The following NIPAL2 variants were observed in gnomAD, a reference collection of about 807,000 sequenced individuals.
NIPAL2 encodes NIPA like domain containing 2.
In NIPAL2, 43 loss-of-function variants were observed where a neutral mutation model predicts 48.9. The ratio of observed to expected loss-of-function variants is 0.88; its 90% CI spans 0.69 to 1.13. NIPAL2 has a LOEUF of 1.13. Ranked by LOEUF, NIPAL2 falls within the 50% of genes most tolerant of loss-of-function variation. The pLI is 0.00. For missense variants in NIPAL2, 446 were observed against 461.4 expected (o/e 0.97, Z 0.31); for synonymous variants, 167 against 174.6 (o/e 0.96, Z 0.34).
intron 8 of NIPAL2, among the ~76,000 whole-genome samples, chr8:98,199,529 G>A (rs1008714474): frequency 6.6e-6 from 1 of 152,126 alleles, no homozygotes; most frequent in East Asian, 1.9e-4. Context: ...TGTGGGAACA[G>A]CTGGTCAGTG....
chr8:98,211,135 T>G (rs770178836), intron 6 of NIPAL2, among the ~76,000 whole-genome samples: 1 of 152,224 alleles, frequency 6.6e-6, no homozygotes, highest in Non-Finnish European at 1.5e-5. Context: ...AGAATCATTT[T>G]CAAAATCAAT....
chr8:98,238,534 G>A (rs140460805), intron 3 of NIPAL2, among the ~76,000 whole-genome samples: 85 of 151,912 alleles, frequency 5.6e-4, no homozygotes, highest in African/African-American at 1.7e-3. Context: ...CTGATGTTCC[G>A]GCAATTTATT....
intron 5 of NIPAL2, among the ~76,000 whole-genome samples, chr8:98,216,350 T>C (rs1203160930): frequency 6.6e-6 from 1 of 152,196 alleles, no homozygotes; most frequent in Non-Finnish European, 1.5e-5. Flanking sequence ...CAGTGGCCCA[T>C]GTATACGGCC....
intron 8 of NIPAL2, 72 bp from the exon 9 acceptor site, chr8:98,196,077 A>C (rs1416785136): frequency 2.2e-6 from 2 of 906,288 alleles, no homozygotes; most frequent in Non-Finnish European, 3.3e-6. Context: ...TATTGTTTGT[A>C]AAATTATGTT....
chr8:98,280,761 T>TATATATATAGAGAGAG lies in NIPAL2; in HGVS notation c.135+13241_135+13242insCTCTCTCTATATATAT. ...CTATATATATATATATATATATATA[T>TATATATATAGAGAGAG]AGAGAGAGAGAGAGAGAGAGAGAGA... On this transcript the variant is annotated intron_variant, in intron 1 of 10. Coordinates refer to ENST00000430223, the MANE Select transcript of NIPAL2 (RefSeq NM_001321635.2). Among the ~76,000 whole-genome samples, 162 of 29,998 alleles carry TATATATATAGAGAGAG rather than the reference T, an allele frequency of 5.4e-3. 2 individuals are homozygous for TATATATATAGAGAGAG. Among genetic ancestry groups the TATATATATAGAGAGAG allele is most frequent in the African/African-American group, 6.6e-3 (58 of 8,788 alleles). The allele number at this position is 29,998 out of a possible 152,430, so 19.7% of individuals were successfully genotyped here.
intron 1 of NIPAL2, among the ~76,000 whole-genome samples, chr8:98,277,051 TGA>T (rs142268343): frequency 0.26 from 39,481 of 151,956 alleles, 5,984 homozygotes; most frequent in Admixed American, 0.36. Flanking sequence ...ATTACAGGCG[TGA>T]GCCAGTATAC....
intron 5 of NIPAL2, among the ~76,000 whole-genome samples, chr8:98,212,733 G>T (rs1281981948): frequency 6.6e-6 from 1 of 152,018 alleles, no homozygotes; most frequent in African/African-American, 2.4e-5. Context: ...AACCTCCCTG[G>T]AAGTTCAGCC....
chr8:98,236,354 T>C lies in NIPAL2; in HGVS notation c.377-140A>G, dbSNP rs183126815. ...CAGAGACATTCAGCAGTTGTGGCTA[T>C]AAAAAGGCCTTTCTTCCCCCTGTGG... On this transcript the variant is annotated intron_variant, in intron 3 of 10. Coordinates refer to ENST00000430223, the MANE Select transcript of NIPAL2 (RefSeq NM_001321635.2). The C allele has an allele frequency of 9.5e-4, 521 of 549,544 alleles. 4 individuals carry two copies. In the African/African-American group the frequency reaches 9.7e-3, roughly 10 times the overall value. The allele number at this position is 549,544 out of a possible 1,614,324, so 34.0% of individuals were successfully genotyped here.
chr8:98,275,346 A>G (rs1007376296), intron 1 of NIPAL2, among the ~76,000 whole-genome samples: 1 of 152,142 alleles, frequency 6.6e-6, no homozygotes, highest in Non-Finnish European at 1.5e-5. Context: ...ATATTGTTAC[A>G]TACCTAGAAT....
In NIPAL2 at chr8:98,205,136, T is replaced by C; in HGVS notation, c.766A>G (p.Ile256Val). The change falls in exon 7 of 11, where the codon ATA (isoleucine) becomes GTA (valine). Residue 256 changes from isoleucine to valine, a missense_variant. Physicochemically the swap from Ile to Val is conservative, Grantham distance 29. Coordinates refer to ENST00000430223, the MANE Select transcript of NIPAL2 (RefSeq NM_001321635.2). The part of the protein sequence containing the change: ...PIFYIMFIIM[I>V]ASCVFQVKFL... ...TTGACTTGGAAAACACAAGATGCTA[T>C]CATGATGATAAACATGATATAGAAA... The C allele has an allele frequency of 1.2e-6, 2 of 1,613,828 alleles. No individual in the cohort carries two copies. Among genetic ancestry groups the C allele is most frequent in the Non-Finnish European group, 1.7e-6 (2 of 1,179,888 alleles).
chr8:98,260,691 G>A (rs1014344299), intron 1 of NIPAL2, among the ~76,000 whole-genome samples: 15 of 152,156 alleles, frequency 9.9e-5, no homozygotes, highest in African/African-American at 3.6e-4. Flanking sequence ...AGGCGGCAGC[G>A]AGGCTGGGGG....
At position 98,222,518 on chromosome 8, in the gene NIPAL2, T is replaced by C. The variant is rs1335365894; in HGVS notation, c.519A>G (p.Val173=). 1.9e-6 allele frequency: 3 copies of C among 1,614,156 alleles called. No homozygotes were observed. Residue 173 remains valine (V), a synonymous_variant, in exon 5 of 11, where the codon GTA becomes GTG. Transcript: ENST00000430223. ...NITQAISART[V]QYYLVGWQFL... ...ACTGCCATCCGACAAGGTAATACTGTACTGTTCTTGCTGAGATTGCCTGAG... is the reference window on the plus strand; with the variant it reads ...ACTGCCATCCGACAAGGTAATACTGCACTGTTCTTGCTGAGATTGCCTGAG...
At chr8:98,288,966 T>C (rs911579900) in intron 1 of NIPAL2, among the ~76,000 whole-genome samples, 5 of 152,230 alleles carry the variant, frequency 3.3e-5, no homozygotes, top group African/African-American at 9.6e-5. Flanking sequence ...CTTTTCCTTA[T>C]AGCTTTATCA....
intron 1 of NIPAL2, among the ~76,000 whole-genome samples, chr8:98,254,869 A>C (rs1263596266): frequency 6.6e-6 from 1 of 152,096 alleles, no homozygotes; most frequent in Non-Finnish European, 1.5e-5. Flanking sequence ...TATGCCTCTC[A>C]CTCACTCCAA....
At chr8:98,252,361 A>G (rs1813633892) in intron 3 of NIPAL2, 102 bp downstream of exon 3, 2 of 1,140,878 alleles carry the variant, frequency 1.8e-6, no homozygotes, top group Non-Finnish European at 2.4e-6. Context: ...GAAACCAGGC[A>G]ATAGACTTTC....
intron 5 of NIPAL2, among the ~76,000 whole-genome samples, chr8:98,221,455 AG>A (rs1363220613): frequency 6.6e-6 from 1 of 152,002 alleles, no homozygotes; most frequent in African/African-American, 2.4e-5. Flanking sequence ...AAAATATACA[AG>A]TTTAAATATT....
In NIPAL2 at chr8:98,191,276, G is replaced by C. The variant is rs1810296250; in HGVS notation, c.*1702C>G. 6.6e-6 allele frequency: 1 copy of C among 152,104 alleles called. No homozygotes were observed. The highest frequency in any genetic ancestry group is 1.5e-5 in the Non-Finnish European group (1 of 68,020). 9.4% of individuals were successfully genotyped at this position (152,104 alleles called of 1,614,324 possible). A position where few individuals can be genotyped will look rare whatever the true frequency, so the allele number is the denominator to read the frequency against. On this transcript the variant is annotated 3_prime_UTR_variant, in exon 11 of 11. Coordinates refer to ENST00000430223, the MANE Select transcript of NIPAL2 (RefSeq NM_001321635.2). Reference sequence around the variant, plus strand: ...AGTCACCAGAAATCTGTAGTTTAAGGCACCAGATACATTTCTTGGCTGAGC... The same window carrying C: ...AGTCACCAGAAATCTGTAGTTTAAGCCACCAGATACATTTCTTGGCTGAGC...
intron 1 of NIPAL2, among the ~76,000 whole-genome samples, chr8:98,287,753 C>G (rs62524197): frequency 0.063 from 9,586 of 152,004 alleles, 348 homozygotes; most frequent in Middle Eastern, 0.15. Flanking sequence ...TAGAGAAAGC[C>G]GAGAAATGGA....
chr8:98,238,533 C>T (rs1008289381), intron 3 of NIPAL2, among the ~76,000 whole-genome samples: 11 of 151,664 alleles, frequency 7.3e-5, no homozygotes, highest in East Asian at 5.8e-4. Context: ...TCTGATGTTC[C>T]GGCAATTTAT....
Sources: gnomAD v4.1 joint callset for allele counts (sites outside exome capture counted in the v4.1 genomes callset) on GRCh38, gnomAD v4.1.1 for gene constraint, MANE v1.5 for transcripts, NCBI Gene and HGNC (gene_info 2026-07-23, HGNC 2026-07-21) for gene names.